Variants in RSBN1 observed in about 807,000 individuals in gnomAD.
RSBN1 encodes the protein lysine-specific demethylase 9.
RSBN1 carries 23 observed loss-of-function variants against 74.8 expected under a neutral mutation model. That is an observed-to-expected ratio of 0.31 (90% CI 0.22 to 0.44). RSBN1 has a LOEUF of 0.44. Among genes scored for constraint, RSBN1 ranks in the 20% least tolerant of loss-of-function variants. The probability of loss-of-function intolerance (pLI) is 1.00; values close to 1 mark genes in which losing one functional copy is unlikely to be tolerated. For missense variants in RSBN1, 808 were observed against 1,020.9 expected, an observed-to-expected ratio of 0.79 and a Z score of 2.84; for synonymous variants, 407 against 379.6, an observed-to-expected ratio of 1.07 and a Z score of -0.84.
At position 113,812,325 on chromosome 1, in the gene RSBN1, C is replaced by G; in HGVS notation, c.88G>C (p.Ala30Pro). 6.2e-6 allele frequency: 10 copies of G among 1,603,774 alleles called. No individual in the cohort carries two copies. The highest frequency in any genetic ancestry group is 8.5e-6 in the Non-Finnish European group (10 of 1,179,720). The change falls in exon 1 of 7, where the codon GCG (alanine) becomes CCG (proline). Residue 30 changes from alanine to proline, a missense_variant. Around this residue, in one of 6 missense-constraint regions of RSBN1, gnomAD observed 464 missense variants for 401.0 expected, o/e 1.16. Transcript: ENST00000261441. ...ACCGCCCCCCCGTCCGCGCATCGCG[C>G]AAGCGCCGCCCGCGCACTGCCCGCT... ...CPAGSARAALARCADGGAVGP... is the reference protein window; with the variant it reads ...CPAGSARAALPRCADGGAVGP...
At chr1:113,799,607 C>T (rs892131553) in intron 1 of RSBN1, among the ~76,000 whole-genome samples, 3 of 126,872 alleles carry the variant, frequency 2.4e-5, no homozygotes, top group African/African-American at 9.7e-5. Context: ...CACACACACA[C>T]ACACAGAAAA....
At chr1:113,772,531 T>A (rs1299017853) in intron 4 of RSBN1, among the ~76,000 whole-genome samples, 1 of 152,196 alleles carries the variant, frequency 6.6e-6, no homozygotes, top group East Asian at 1.9e-4. Context: ...TGTATTATTT[T>A]ATTTTTAAAA....
rs770457454 is a variant in RSBN1, at chr1:113,766,212, C to T, written c.2177G>A (p.Gly726Glu). 2 of 1,614,130 alleles carry T rather than the reference C, an allele frequency of 1.2e-6. No individual in the cohort carries two copies. The highest frequency in any genetic ancestry group is 1.7e-6 in the Non-Finnish European group (2 of 1,179,984). The change falls in exon 7 of 7, where the codon GGA (glycine) becomes GAA (glutamate). Residue 726 changes from glycine (G) to glutamate (E), a missense_variant. Transcript: ENST00000261441. ...GGAGTCAACTTCTAATTCTCGCTTTCCAGTTAAACCACAGTCCATGTTAGA... is the reference window on the plus strand; with the variant it reads ...GGAGTCAACTTCTAATTCTCGCTTTTCAGTTAAACCACAGTCCATGTTAGA... ...SNSNMDCGLT[G>E]KRELEVDSQC... is the part of the protein sequence containing the mutation.
chr1:113,801,213 C>A (rs1051213833), intron 1 of RSBN1, among the ~76,000 whole-genome samples: 13 of 152,068 alleles, frequency 8.5e-5, no homozygotes, highest in African/African-American at 3.1e-4. Context: ...AAACTCCTGA[C>A]CTCAAGTGAT....
chr1:113,774,542 T>G lies in RSBN1; in HGVS notation c.1658+2668A>C, dbSNP rs568398448. ...AAAAAAAAAAATTAGCCGGGCATCA[T>G]AGCGGGAGGCTGTAGTCCCAGCTAC... On this transcript the variant is annotated intron_variant, in intron 4 of 6. Coordinates refer to ENST00000261441, the MANE Select transcript of RSBN1 (RefSeq NM_018364.5). Among the ~76,000 whole-genome samples, 467 of 151,904 alleles carry G rather than the reference T, an allele frequency of 3.1e-3. 4 individuals are homozygous for G. Among genetic ancestry groups the G allele is most frequent in the African/African-American group, 0.011 (441 of 41,438 alleles).
intron 4 of RSBN1, among the ~76,000 whole-genome samples, chr1:113,769,831 G>A (rs1659855472): frequency 1.3e-5 from 2 of 152,108 alleles, no homozygotes; most frequent in Admixed American, 6.6e-5. Context: ...ATGATGAACA[G>A]AAATGAAGTG....
At chr1:113,810,568 A>G (rs776167373) in intron 1 of RSBN1, among the ~76,000 whole-genome samples, 5 of 152,258 alleles carry the variant, frequency 3.3e-5, no homozygotes, top group Non-Finnish European at 5.9e-5. Flanking sequence ...ATGCTATTCA[A>G]TAAATACTTA....
At chr1:113,803,724 C>G (rs1439637024) in intron 1 of RSBN1, among the ~76,000 whole-genome samples, 5 of 129,924 alleles carry the variant, frequency 3.8e-5, no homozygotes, top group African/African-American at 1.2e-4. Flanking sequence ...TTAGATAGAC[C>G]TAAGTCAATG....
At chr1:113,774,155 T>G (rs1412008916) in intron 4 of RSBN1, among the ~76,000 whole-genome samples, 1 of 152,212 alleles carries the variant, frequency 6.6e-6, no homozygotes, top group Non-Finnish European at 1.5e-5. Context: ...GATTTGCTGA[T>G]TTCTATGGTA....
chr1:113,796,809 C>T (rs1036057035), intron 2 of RSBN1, among the ~76,000 whole-genome samples: 1 of 152,156 alleles, frequency 6.6e-6, no homozygotes, highest in Admixed American at 6.5e-5. Context: ...GCTGCCCATG[C>T]AAGGCTTCAA....
rs376207062 is a variant in RSBN1, at chr1:113,812,232, C to A, written c.181G>T (p.Ala61Ser). The part of the protein sequence containing the change: ...AQVGAVRVVR[A>S]VAAQEEPDKE... Reference sequence around the variant, plus strand: ...TCCGGCTCCTCCTGCGCCGCCACCGCCCGTACTACGCGCACCGCTCCGACC... The same window carrying A: ...TCCGGCTCCTCCTGCGCCGCCACCGACCGTACTACGCGCACCGCTCCGACC... Residue 61 changes from alanine to serine, a missense_variant, in exon 1 of 7, where the codon GCG becomes TCG. Ala to Ser is a moderately conservative substitution (Grantham distance 99). Transcript: ENST00000261441. 1.2e-6 allele frequency: 2 copies of A among 1,606,756 alleles called. No individual in the cohort carries two copies. Among genetic ancestry groups the A allele is most frequent in the East Asian group, 2.2e-5 (1 of 44,828 alleles).
chr1:113,812,167 C>T lies in RSBN1; in HGVS notation c.246G>A (p.Pro82=), dbSNP rs149014809. 88 of 1,609,326 alleles carry T rather than the reference C, an allele frequency of 5.5e-5. No individual in the cohort carries two copies. Among genetic ancestry groups the T allele is most frequent in the Non-Finnish European group, 6.7e-5 (79 of 1,179,870 alleles). Residue 82 remains proline (P), a synonymous_variant, in exon 1 of 7, where the codon CCG becomes CCA. Transcript: ENST00000261441. ...ATCGGCGCTGCCGTTTAACTCCCCG[C>T]GGGGAGACCCCAGCATGAGGTTTCT... The part of the protein sequence containing the change: ...GKEKPHAGVS[P]RGVKRQRRSS...
chr1:113,809,559 C>T (rs1660788451), intron 1 of RSBN1, among the ~76,000 whole-genome samples: 3 of 152,330 alleles, frequency 2.0e-5, no homozygotes, highest in South Asian at 4.1e-4. Context: ...TTTGCCAATT[C>T]ATGTTACATA....
intron 1 of RSBN1, among the ~76,000 whole-genome samples, chr1:113,807,914 G>A (rs184688201): frequency 6.6e-6 from 1 of 151,900 alleles, no homozygotes; most frequent in African/African-American, 2.4e-5. Context: ...ATGAAAAGAT[G>A]TGTATTATCA....
rs1416148703 is a variant in RSBN1 at position 113,764,614 on chromosome 1, TA to T, written c.*1365del. 7.5e-6 allele frequency: 1 copy of T among 133,006 alleles called. No individual in the cohort carries two copies. Among genetic ancestry groups the T allele is most frequent in the African/African-American group, 3.2e-5 (1 of 31,004 alleles). 8.2% of individuals were successfully genotyped at this position (133,006 alleles called of 1,614,324 possible). On this transcript the variant is annotated 3_prime_UTR_variant, in exon 7 of 7. Coordinates refer to ENST00000261441, the MANE Select transcript of RSBN1 (RefSeq NM_018364.5). ...ACAGACATAATAAAGCAGCATCTTG[TA>T]TTTTTTTTTTTTTTTGCCTATGTTA...
intron 2 of RSBN1, 102 bp downstream of exon 2, chr1:113,797,261 A>G (rs1660490301): frequency 1.5e-5 from 14 of 935,290 alleles, no homozygotes; most frequent in Non-Finnish European, 2.2e-5. Flanking sequence ...TATTACCATA[A>G]ATTTGTTATC....
intron 2 of RSBN1, among the ~76,000 whole-genome samples, chr1:113,783,943 T>C (rs983958930): frequency 2.6e-5 from 4 of 152,114 alleles, no homozygotes; most frequent in Non-Finnish European, 5.9e-5. Context: ...CTTGTATACT[T>C]TGTAATGAGG....
In RSBN1 at chr1:113,768,406, TG is replaced by T. The variant is rs1382459202; in HGVS notation, c.1659-18del. On this transcript the variant is annotated intron_variant, in intron 4 of 6. Transcript: ENST00000261441. ...TTCATTGATCTAGAGTTGATTTGGT[TG>T]TTAAACAAAGGGTAAGCAAGGAAGA... 6.4e-7 allele frequency: 1 copy of T among 1,559,616 alleles called. No individual in the cohort carries two copies. The highest frequency in any genetic ancestry group is 1.9e-5 in the Admixed American group (1 of 52,738).
chr1:113,781,046 T>A (rs568825324), intron 2 of RSBN1, among the ~76,000 whole-genome samples: 2 of 152,168 alleles, frequency 1.3e-5, no homozygotes, highest in Admixed American at 1.3e-4. Context: ...CACACTCTCA[T>A]CCTCTATCCC....
Sources: allele counts gnomAD v4.1 joint callset (sites outside exome capture counted in the v4.1 genomes callset), GRCh38; gene constraint gnomAD v4.1.1; regional missense constraint gnomAD v4.1.1; transcripts MANE v1.5; gene names NCBI Gene and HGNC (gene_info 2026-07-23, HGNC 2026-07-21).